PTK2B: variants seen among roughly 807,000 people sequenced by gnomAD.
PTK2B encodes protein-tyrosine kinase 2-beta.
In PTK2B, 71 loss-of-function variants were observed where a neutral mutation model predicts 142.9. That is an observed-to-expected ratio of 0.50 (90% CI 0.41 to 0.61). The LOEUF (loss-of-function observed/expected upper bound fraction) is 0.61. PTK2B is among the 20% of genes least tolerant of loss of function. PTK2B has a pLI of 0.00. For synonymous variants in PTK2B, 519 were observed against 503.4 expected (o/e 1.03, Z -0.42); for missense variants, 1,105 against 1,320.4 (o/e 0.84, Z 2.53).
chr8:27,440,279 T>G lies in PTK2B; in HGVS notation c.1877T>G (p.Phe626Cys). Residue 626 changes from phenylalanine (F) to cysteine (C), a missense_variant, in exon 21 of 31, where the codon TTC (phenylalanine) becomes TGC (cysteine). Phe to Cys is a radical substitution (Grantham distance 205). Transcript: ENST00000346049. Reference sequence around the variant, plus strand: ...ATCCTGAGCTTTGGGAAGCAGCCCTTCTTCTGGCTGGAGAACAAGGATGTC... The same window carrying G: ...ATCCTGAGCTTTGGGAAGCAGCCCTGCTTCTGGCTGGAGAACAAGGATGTC... ...WEILSFGKQP[F>C]FWLENKDVIG... 1 of 1,614,126 alleles carries G rather than the reference T, an allele frequency of 6.2e-7. No homozygotes were observed. The highest frequency in any genetic ancestry group is 8.5e-7 in the Non-Finnish European group (1 of 1,180,004).
At chr8:27,330,456 G>A (rs1001548145) in intron 1 of PTK2B, among the ~76,000 whole-genome samples, 5 of 152,198 alleles carry the variant, frequency 3.3e-5, no homozygotes, top group African/African-American at 9.7e-5. Flanking sequence ...TTTGGCAACA[G>A]CCAGCCCTCA....
chr8:27,451,941 C>G (rs767852607), intron 27 of PTK2B: 1 of 261,588 alleles, frequency 3.8e-6, no homozygotes, highest in Non-Finnish European at 6.3e-6. Context: ...CCCTCAGGCT[C>G]TCTCCAGAAG....
At chr8:27,432,813 C>A (rs1810523209) in intron 10 of PTK2B, among the ~76,000 whole-genome samples, 1 of 151,936 alleles carries the variant, frequency 6.6e-6, no homozygotes, top group African/African-American at 2.4e-5. Context: ...CCATTGCCTC[C>A]CCTTCCTCTT....
At chr8:27,383,887 T>C (rs2131168815) in intron 1 of PTK2B, among the ~76,000 whole-genome samples, 1 of 127,260 alleles carries the variant, frequency 7.9e-6, no homozygotes, top group Non-Finnish European at 1.7e-5. Flanking sequence ...TCACTCCTGT[T>C]GCCCAGGCTG....
chr8:27,424,274 T>C (rs1383118489), intron 5 of PTK2B, among the ~76,000 whole-genome samples: 1 of 152,222 alleles, frequency 6.6e-6, no homozygotes, highest in African/African-American at 2.4e-5. Flanking sequence ...TATTTTATTA[T>C]ATCCTCCAAT....
intron 1 of PTK2B, among the ~76,000 whole-genome samples, chr8:27,343,807 T>A (rs1018136291): frequency 6.6e-6 from 1 of 152,074 alleles, no homozygotes; most frequent in Non-Finnish European, 1.5e-5. Context: ...ATTGAGAGCA[T>A]CCTGGTTAAC....
chr8:27,451,847 G>T (rs1280028355), intron 27 of PTK2B: 10 of 1,029,332 alleles, frequency 9.7e-6, no homozygotes, highest in Non-Finnish European at 1.2e-5. Context: ...GAAAAGTTAA[G>T]CAGTGCCACC....
At chr8:27,452,075 A>T (rs1811852284) in intron 27 of PTK2B, 1 of 153,470 alleles carries the variant, frequency 6.5e-6, no homozygotes, top group Non-Finnish European at 1.5e-5. Flanking sequence ...TGGGCCTGGG[A>T]CCATTTATTA....
intron 1 of PTK2B, among the ~76,000 whole-genome samples, chr8:27,341,813 A>G (rs1235561151): frequency 2.0e-5 from 3 of 152,002 alleles, no homozygotes; most frequent in Non-Finnish European, 4.4e-5. Context: ...AGCTGGGACT[A>G]CAGGCACCCA....
intron 18 of PTK2B, 92 bp downstream of exon 18, chr8:27,437,972 C>G: frequency 8.8e-7 from 1 of 1,135,286 alleles, no homozygotes; most frequent in Non-Finnish European, 1.3e-6. Context: ...GTGGGTGACA[C>G]AGAGCAGTGT....
At chr8:27,335,846 T>C (rs1203183549) in intron 1 of PTK2B, among the ~76,000 whole-genome samples, 1 of 152,142 alleles carries the variant, frequency 6.6e-6, no homozygotes. Context: ...GTGGGGACTT[T>C]TTAGCAAAGC....
chr8:27,438,678 G>A lies in PTK2B; in HGVS notation c.1644-353G>A, dbSNP rs550847347. On this transcript the variant is annotated intron_variant, in intron 18 of 30. Coordinates refer to ENST00000346049, the MANE Select transcript of PTK2B (RefSeq NM_173176.3). ...CTCCCTGGCATGGGGGACAGTGTAGGCAACAGCACAGAAGTGGAGTGTAGC... is the reference window on the plus strand; with the variant it reads ...CTCCCTGGCATGGGGGACAGTGTAGACAACAGCACAGAAGTGGAGTGTAGC... Among the ~76,000 whole-genome samples the A allele has an allele frequency of 2.0e-5, 3 of 152,310 alleles. No homozygotes were observed. In the East Asian group the frequency reaches 5.8e-4, roughly 29 times the overall value.
chr8:27,458,121 C>A (rs1445503629), intron 30 of PTK2B, among the ~76,000 whole-genome samples, 173 bp from the exon 31 acceptor site: 1 of 152,114 alleles, frequency 6.6e-6, no homozygotes, highest in Non-Finnish European at 1.5e-5. Context: ...TCCTTGCAGA[C>A]CTGACTCGAC....
rs375221108 is a variant in PTK2B at position 27,440,407 on chromosome 8, C to T, written c.2005C>T (p.Arg669Trp). 1.8e-5 allele frequency: 29 copies of T among 1,614,098 alleles called. No individual in the cohort carries two copies. Among genetic ancestry groups the T allele is most frequent in the Non-Finnish European group, 2.5e-5 (29 of 1,180,040 alleles). ...CTGCTGGGACTACGACCCCAGTGAC[C>T]GGCCCCGCTTCACCGAGCTGGTGTG... ...TRCWDYDPSD[R>W]PRFTELVCSL... Residue 669 changes from arginine (R) to tryptophan (W), a missense_variant, in exon 21 of 31, where the codon CGG becomes TGG. Arg to Trp is a moderately radical substitution (Grantham distance 101). Transcript: ENST00000346049.
chr8:27,445,760 C>G (rs969712976), intron 23 of PTK2B, 34 bp from the exon 24 acceptor site: 1 of 1,611,442 alleles, frequency 6.2e-7, no homozygotes, highest in Non-Finnish European at 8.5e-7. Flanking sequence ...TCGCTTTGTC[C>G]CGTGCCTTGT....
At chr8:27,439,445 T>G (rs754499711) in intron 20 of PTK2B, 47 bp downstream of exon 20, 1 of 1,556,292 alleles carries the variant, frequency 6.4e-7, no homozygotes, top group Non-Finnish European at 8.9e-7. Context: ...AGATTCTCAC[T>G]TCTGAACCAG....
chr8:27,373,055 C>T (rs1381754854), intron 1 of PTK2B, among the ~76,000 whole-genome samples: 1 of 152,136 alleles, frequency 6.6e-6, no homozygotes, highest in Non-Finnish European at 1.5e-5. Context: ...GCCCCCTTAG[C>T]CCAGATACCC....
intron 3 of PTK2B, among the ~76,000 whole-genome samples, chr8:27,315,335 G>C (rs1046714777): frequency 5.3e-5 from 8 of 152,126 alleles, no homozygotes; most frequent in Admixed American, 3.3e-4. Context: ...AAGAAAGTTT[G>C]AAAGCAATTA....
At chr8:27,439,849 G>A (rs1811045948) in intron 20 of PTK2B, among the ~76,000 whole-genome samples, 2 of 152,230 alleles carry the variant, frequency 1.3e-5, no homozygotes, top group South Asian at 4.2e-4. Context: ...GAAAACTGAG[G>A]CTCAGATGAG....
Sources: allele counts gnomAD v4.1 joint callset (sites outside exome capture counted in the v4.1 genomes callset), GRCh38; gene constraint gnomAD v4.1.1; transcripts MANE v1.5; gene names NCBI Gene and HGNC (gene_info 2026-07-23, HGNC 2026-07-21).